Variants in MTM1 observed in about 807,000 individuals in gnomAD.
MTM1 encodes the protein myotubularin 1.
In MTM1, 9 loss-of-function variants were observed where a neutral mutation model predicts 52.1. That is an observed-to-expected ratio of 0.17 (90% CI 0.10 to 0.30). The LOEUF is 0.30. Ranked by LOEUF, MTM1 falls within the 10% of genes least tolerant of loss-of-function variation. The pLI, the probability that MTM1 is intolerant of heterozygous loss-of-function variation, is 1.00. For synonymous variants in MTM1, 136 were observed against 163.8 expected, an observed-to-expected ratio of 0.83 and a Z score of 1.29; for missense variants, 277 against 470.7, an observed-to-expected ratio of 0.59 and a Z score of 3.81.
chrX:150,634,372 A>T (rs1291986016), intron 6 of MTM1, among the ~76,000 whole-genome samples: 2 of 112,247 alleles, frequency 1.8e-5, no homozygotes, highest in African/African-American at 6.5e-5. Flanking sequence ...GTGCCATTTA[A>T]AAATAATGGC....
In MTM1 at chrX:150,623,948, A is replaced by G. The variant is rs1314193802; in HGVS notation, c.444+4809A>G. ...CAGAAGTGAACTTGCTGTTGCATCT[A>G]TGAAATGGTGTCTGGAGGCCAAGCA... On this transcript the variant is annotated intron_variant, in intron 6 of 14. Coordinates refer to ENST00000370396, the MANE Select transcript of MTM1 (RefSeq NM_000252.3). Among the ~76,000 whole-genome samples, 5 of 111,900 alleles carry G rather than the reference A, an allele frequency of 4.5e-5. No homozygotes were observed. In the East Asian group the frequency reaches 8.5e-4, roughly 19 times the overall value.
At chrX:150,637,363 G>A (rs781823489) in intron 6 of MTM1, among the ~76,000 whole-genome samples, 4 of 111,276 alleles carry the variant, frequency 3.6e-5, no homozygotes, top group African/African-American at 1.3e-4. Context: ...CAGACGCAGC[G>A]CCTCCAGAGA....
At chrX:150,567,751 A>C (rs1488213326), upstream of MTM1, among the ~76,000 whole-genome samples, 8 of 111,377 alleles carry the variant, frequency 7.2e-5, no homozygotes, top group African/African-American at 2.6e-4. Flanking sequence ...ACGAGGTTTC[A>C]CCATGTCGTC....
At position 150,623,450 on chromosome X, in the gene MTM1, C is replaced by A. The variant is rs180770815; in HGVS notation, c.444+4311C>A. Among the ~76,000 whole-genome samples, 464 of 109,727 alleles carry A rather than the reference C, an allele frequency of 4.2e-3. 4 individuals are homozygous for A. Among genetic ancestry groups the A allele is most frequent in the African/African-American group, 0.015 (446 of 30,113 alleles). On this transcript the variant is annotated intron_variant, in intron 6 of 14. Coordinates refer to ENST00000370396, the MANE Select transcript of MTM1 (RefSeq NM_000252.3). The stretch of plus-strand genomic sequence containing the variant: ...ATCTCAGAAAATGATCTCGGGGTGA[C>A]GGGGACAAACACCAGTTTGCAGGTG...
chrX:150,580,772 A>G (rs1017851347), intron 1 of MTM1, among the ~76,000 whole-genome samples: 3 of 111,353 alleles, frequency 2.7e-5, no homozygotes, highest in African/African-American at 9.8e-5. Context: ...TAATTAAGCC[A>G]TCTTTGGGGA....
At chrX:150,671,132 G>A (rs1162042765) in intron 14 of MTM1, among the ~76,000 whole-genome samples, 2 of 111,305 alleles carry the variant, frequency 1.8e-5, no homozygotes, top group Non-Finnish European at 3.8e-5. Flanking sequence ...CGGGCAACAC[G>A]GGAGACTGGA....
chrX:150,592,583 T>G, intron 1 of MTM1, 22 bp from the exon 2 acceptor site: 1 of 1,129,749 alleles, frequency 8.9e-7, no homozygotes. Context: ...CAGTTGATAT[T>G]GAATGTTGTG....
intron 8 of MTM1, among the ~76,000 whole-genome samples, chrX:150,644,183 A>G (rs1289152345): frequency 1.8e-5 from 2 of 111,824 alleles, no homozygotes; most frequent in African/African-American, 6.5e-5. Context: ...ATAATTTCTC[A>G]AATAATAAAT....
chrX:150,657,263 C>T, intron 10 of MTM1, among the ~76,000 whole-genome samples: 1 of 111,213 alleles, frequency 9.0e-6, no homozygotes. Context: ...GGAAATGTGG[C>T]ACATATACAC....
intron 6 of MTM1, among the ~76,000 whole-genome samples, chrX:150,622,513 G>A (rs1188998476): frequency 1.8e-5 from 2 of 112,025 alleles, no homozygotes; most frequent in Non-Finnish European, 3.8e-5. Flanking sequence ...ATTGAGGGAT[G>A]TGACAGTCAA....
Position 150,624,397 on chromosome X carries a change from A to AT in MTM1, c.444+5265dup, listed in dbSNP as rs782240910. On this transcript the variant is annotated intron_variant, in intron 6 of 14. Coordinates refer to ENST00000370396, the MANE Select transcript of MTM1 (RefSeq NM_000252.3). The stretch of plus-strand genomic sequence containing the variant: ...TGTCAGTGTTTCTGATAGTATGGCG[A>AT]TTTTTTTAAGGCAGAAATTAAAATC... 1.9e-3 allele frequency among the ~76,000 whole-genome samples: 213 copies of AT among 111,920 alleles called. 1 individual carries two copies. The highest frequency in any genetic ancestry group is 6.2e-3 in the African/African-American group (190 of 30,794).
At chrX:150,620,101 A>T (rs1557413243) in intron 6 of MTM1, among the ~76,000 whole-genome samples, 1 of 112,140 alleles carries the variant, frequency 8.9e-6, no homozygotes, top group East Asian at 2.8e-4. Context: ...AGAGAGTCTG[A>T]TGGGAACACA....
At chrX:150,626,812 A>G in intron 6 of MTM1, among the ~76,000 whole-genome samples, 2 of 111,904 alleles carry the variant, frequency 1.8e-5, no homozygotes, top group Non-Finnish European at 3.8e-5. Flanking sequence ...TGGCCTAATG[A>G]CTAAAAGTTA....
chrX:150,612,158 T>A (rs376922043), intron 4 of MTM1, among the ~76,000 whole-genome samples: 2 of 109,061 alleles, frequency 1.8e-5, no homozygotes, highest in African/African-American at 6.7e-5. Context: ...ACCACTGCAC[T>A]TCAGCCTGGG....
intron 6 of MTM1, among the ~76,000 whole-genome samples, chrX:150,632,960 T>C (rs1173610670): frequency 9.1e-6 from 1 of 110,376 alleles, no homozygotes; most frequent in African/African-American, 3.3e-5. Flanking sequence ...TGGGGAGAGC[T>C]TTATTTGGTA....
intron 11 of MTM1, among the ~76,000 whole-genome samples, chrX:150,658,538 AACAG>A (rs782530570): frequency 2.5e-4 from 28 of 111,569 alleles, no homozygotes; most frequent in Non-Finnish European, 3.8e-4. Context: ...CTACACATTA[AACAG>A]ACAGTCAATA....
intron 8 of MTM1, among the ~76,000 whole-genome samples, chrX:150,645,138 A>G (rs1557413941): frequency 1.8e-5 from 2 of 111,755 alleles, no homozygotes; most frequent in Non-Finnish European, 3.8e-5. Flanking sequence ...TTGGATGTCC[A>G]CACTGCACTG....
chrX:150,568,612 G>A (rs2038298471), upstream of MTM1: 1 of 112,908 alleles, frequency 8.9e-6, no homozygotes, highest in Admixed American at 9.2e-5. Context: ...GGGCGGAGCA[G>A]GGCCCGGCAG....
Position 150,671,765 on chromosome X carries a change from A to G in MTM1, c.*170A>G, listed in dbSNP as rs2040401176. ...CTAGAATACATATTACAAGAAAACT[A>G]CAGGGTCCACACGGCAATCAGAAGA... On this transcript the variant is annotated 3_prime_UTR_variant, in exon 15 of 15. Coordinates refer to ENST00000370396, the MANE Select transcript of MTM1 (RefSeq NM_000252.3). 2 of 532,206 alleles carry G rather than the reference A, an allele frequency of 3.8e-6. No individual in the cohort carries two copies. Among genetic ancestry groups the G allele is most frequent in the African/African-American group, 2.4e-5 (1 of 42,161 alleles). The allele number at this position is 532,206 out of a possible 1,213,427, so 43.9% of individuals were successfully genotyped here. A position where few individuals can be genotyped will look rare whatever the true frequency, so the allele number is the denominator to read the frequency against.
Sources: allele counts gnomAD v4.1 joint callset (sites outside exome capture counted in the v4.1 genomes callset), GRCh38; gene constraint gnomAD v4.1.1; transcripts MANE v1.5; gene names NCBI Gene and HGNC (gene_info 2026-07-23, HGNC 2026-07-21).